The following EYS variants were observed in gnomAD, a reference collection of about 807,000 sequenced individuals.
EYS encodes the protein EGF-like photoreceptor maintenance factor.
A neutral mutation model predicts 282.1 loss-of-function variants in EYS; 250 were observed. The observed-to-expected ratio is 0.89, with a 90% confidence interval of 0.80 to 0.98. The LOEUF is 0.98. EYS is among the 50% of genes least tolerant of loss of function. The probability of loss-of-function intolerance (pLI) is 0.00; values close to 1 mark genes in which losing one functional copy is unlikely to be tolerated. For missense variants in EYS, 4,016 were observed against 3,709.0 expected, an observed-to-expected ratio of 1.08 and a Z score of -2.15; for synonymous variants, 1,355 against 1,282.9, an observed-to-expected ratio of 1.06 and a Z score of -1.20.
At chr6:65,537,886 T>TAA (rs1450074156) in intron 2 of EYS, among the ~76,000 whole-genome samples, 1 of 152,200 alleles carries the variant, frequency 6.6e-6, no homozygotes. Context: ...CTGCAGTAAG[T>TAA]GCTGATGCTG....
At chr6:65,322,832 A>G (rs1282515432) in intron 11 of EYS, among the ~76,000 whole-genome samples, 1 of 149,452 alleles carries the variant, frequency 6.7e-6, no homozygotes, top group Non-Finnish European at 1.5e-5. Context: ...AAAAAAGTCC[A>G]GGCCAGACTC....
chr6:65,189,193 A>C (rs936054429), intron 12 of EYS, among the ~76,000 whole-genome samples: 56 of 151,696 alleles, frequency 3.7e-4, no homozygotes, highest in African/African-American at 1.3e-3. Context: ...AATTTGCAAT[A>C]ATGTATTATA....
At chr6:63,815,860 T>C (rs551902017) in intron 36 of EYS, among the ~76,000 whole-genome samples, 1 of 152,130 alleles carries the variant, frequency 6.6e-6, no homozygotes, top group Non-Finnish European at 1.5e-5. Context: ...TTTTTGGTAT[T>C]GTATAAAAGA....
intron 29 of EYS, chr6:64,377,762 C>T (rs916326935): frequency 5.9e-5 from 9 of 151,684 alleles, no homozygotes; most frequent in Non-Finnish European, 1.2e-4. Context: ...ACATCAGACC[C>T]GATCTCTCCA....
At chr6:65,327,234 G>GT (rs1376343097) in intron 11 of EYS, among the ~76,000 whole-genome samples, 1 of 151,506 alleles carries the variant, frequency 6.6e-6, no homozygotes, top group Non-Finnish European at 1.5e-5. Context: ...GATCTCTCCA[G>GT]TAAGTTTTTC....
intron 31 of EYS, among the ~76,000 whole-genome samples, chr6:64,182,951 G>C (rs138539134): frequency 3.9e-5 from 6 of 152,026 alleles, no homozygotes; most frequent in African/African-American, 7.2e-5. Flanking sequence ...GTTTGGCTCT[G>C]TGTCCCCACC....
rs113612381 is a variant in EYS at position 64,241,941 on chromosome 6, G to A, written c.6192-11117C>T. On this transcript the variant is annotated intron_variant, in intron 30 of 42. Transcript: ENST00000503581. The stretch of plus-strand genomic sequence containing the variant: ...CCTTCATTTCGTTATTTATTCAGGA[G>A]CAGTTTGTCGGTTTCTATGTAGTTG... 7.8e-3 allele frequency among the ~76,000 whole-genome samples: 1,191 copies of A among 152,152 alleles called. 5 individuals are homozygous for A. The highest frequency in any genetic ancestry group is 0.012 in the Non-Finnish European group (843 of 67,998).
chr6:65,306,494 A>G (rs1470364937), intron 11 of EYS, among the ~76,000 whole-genome samples: 1 of 152,168 alleles, frequency 6.6e-6, no homozygotes, highest in East Asian at 1.9e-4. Flanking sequence ...CGCTTTTGGA[A>G]TCAGCTTACA....
chr6:63,808,822 A>C (rs1222237823), intron 36 of EYS, among the ~76,000 whole-genome samples: 1 of 152,216 alleles, frequency 6.6e-6, no homozygotes, highest in African/African-American at 2.4e-5. Context: ...GGAAGGGCTC[A>C]GTATGAAACA....
intron 5 of EYS, among the ~76,000 whole-genome samples, chr6:65,453,743 T>C (rs997278372): frequency 6.6e-6 from 1 of 152,042 alleles, no homozygotes; most frequent in Non-Finnish European, 1.5e-5. Flanking sequence ...CAACTTCTTT[T>C]ATTTTAGATA....
At chr6:64,746,876 G>T (rs929731323) in intron 22 of EYS, among the ~76,000 whole-genome samples, 1 of 152,172 alleles carries the variant, frequency 6.6e-6, no homozygotes, top group Admixed American at 6.6e-5. Flanking sequence ...TAAGAATTTG[G>T]AAAACTTAAT....
intron 26 of EYS, among the ~76,000 whole-genome samples, chr6:64,530,302 GA>G (rs1764284941): frequency 6.6e-6 from 1 of 151,782 alleles, no homozygotes; most frequent in Non-Finnish European, 1.5e-5. Flanking sequence ...ATGAACAAGA[GA>G]CTTAGTAAGT....
chr6:64,467,788 A>G (rs1775974779), intron 26 of EYS, among the ~76,000 whole-genome samples: 1 of 152,188 alleles, frequency 6.6e-6, no homozygotes, highest in Admixed American at 6.5e-5. Context: ...CCCCACCCAC[A>G]GCTGGCACCT....
chr6:64,441,024 G>A (rs538421856), intron 26 of EYS, among the ~76,000 whole-genome samples: 6 of 152,244 alleles, frequency 3.9e-5, no homozygotes, highest in African/African-American at 1.4e-4. Context: ...TCAAATTTAC[G>A]ATGACGCTTG....
intron 41 of EYS, among the ~76,000 whole-genome samples, chr6:63,752,696 C>T (rs774221740): frequency 5.3e-5 from 8 of 151,814 alleles, no homozygotes; most frequent in African/African-American, 9.7e-5. Context: ...GGGGTTTCAC[C>T]GTGTTACCCA....
chr6:64,210,216 G>A (rs1032824206), intron 31 of EYS, among the ~76,000 whole-genome samples: 1 of 152,120 alleles, frequency 6.6e-6, no homozygotes, highest in African/African-American at 2.4e-5. Context: ...TCCAAAAATG[G>A]ATGGTAGCTA....
intron 22 of EYS, among the ~76,000 whole-genome samples, chr6:64,785,588 T>C (rs975106849): frequency 2.0e-5 from 3 of 152,198 alleles, no homozygotes; most frequent in African/African-American, 7.2e-5. Context: ...CCAAAGAGAT[T>C]GTTCTTAGGA....
At chr6:65,587,104 G>C (rs1765076869) in intron 2 of EYS, among the ~76,000 whole-genome samples, 1 of 151,928 alleles carries the variant, frequency 6.6e-6, no homozygotes, top group Non-Finnish European at 1.5e-5. Context: ...GTTTCTCTAA[G>C]CAACATTTGA....
intron 33 of EYS, among the ~76,000 whole-genome samples, chr6:64,059,626 T>A (rs1044864458): frequency 2.6e-5 from 4 of 152,160 alleles, no homozygotes; most frequent in African/African-American, 9.7e-5. Flanking sequence ...GAACATTCTA[T>A]CCAATAATCC....
Sources: gnomAD v4.1 joint callset for allele counts (sites outside exome capture counted in the v4.1 genomes callset) on GRCh38, gnomAD v4.1.1 for gene constraint, MANE v1.5 for transcripts, NCBI Gene and HGNC (gene_info 2026-07-23, HGNC 2026-07-21) for gene names.